TMEM117: variants seen among roughly 807,000 people sequenced by gnomAD.
The protein encoded by TMEM117 is transmembrane protein 117.
A neutral mutation model predicts 52.4 loss-of-function variants in TMEM117; 27 were observed. That is an observed-to-expected ratio of 0.51 (90% CI 0.38 to 0.71). The LOEUF is 0.71. Among genes scored for constraint, TMEM117 ranks in the 30% least tolerant of loss-of-function variants. The pLI is 0.00. For missense variants in TMEM117, 556 were observed against 630.5 expected (o/e 0.88, Z 1.26); for synonymous variants, 215 against 206.3 (o/e 1.04, Z -0.36).
chr12:44,089,591 C>G (rs1947628865), intron 3 of TMEM117, among the ~76,000 whole-genome samples: 1 of 152,142 alleles, frequency 6.6e-6, no homozygotes, highest in East Asian at 1.9e-4. Context: ...TGCACTTTTG[C>G]TCATGTGACT....
the TMEM117 span, chr12:43,806,290 C>G: frequency 6.9e-7 from 1 of 1,441,400 alleles, no homozygotes. Context: ...GTGCAGCCAG[C>G]GGCCCCGGCC....
intron 3 of TMEM117, among the ~76,000 whole-genome samples, chr12:43,962,640 G>C (rs929628343): frequency 2.0e-5 from 3 of 152,134 alleles, no homozygotes; most frequent in African/African-American, 4.8e-5. Flanking sequence ...GATTAGGAGG[G>C]GCCGGGCACG....
intron 3 of TMEM117, among the ~76,000 whole-genome samples, chr12:44,006,396 AAC>A (rs1489063964): frequency 6.6e-6 from 1 of 152,174 alleles, no homozygotes; most frequent in Non-Finnish European, 1.5e-5. Context: ...TTAGGAGAGA[AAC>A]AACTAGAATG....
intron 2 of TMEM117, among the ~76,000 whole-genome samples, chr12:43,881,631 T>C (rs536010272): frequency 2.7e-5 from 4 of 150,690 alleles, no homozygotes; most frequent in African/African-American, 9.8e-5. Context: ...CTCTACTAAA[T>C]CTACAAAATT....
intron 4 of TMEM117, among the ~76,000 whole-genome samples, chr12:44,157,362 CT>C (rs1482940268): frequency 6.9e-6 from 1 of 144,688 alleles, no homozygotes; most frequent in Non-Finnish European, 1.5e-5. Flanking sequence ...GGAATTATGA[CT>C]GCTAATATTG....
chr12:44,077,314 G>A lies in TMEM117; in HGVS notation c.411-66211G>A, dbSNP rs544288919. The stretch of plus-strand genomic sequence containing the variant: ...AACAGGTCAAGAACTCTGCTCTAAA[G>A]TTGTGCAGAATTTGAAAATCTTTAT... On this transcript the variant is annotated intron_variant, in intron 3 of 7. Transcript: ENST00000266534. Among the ~76,000 whole-genome samples the A allele has an allele frequency of 8.5e-5, 13 of 152,280 alleles. No homozygotes were observed. The East Asian group carries it at 2.5e-3, about 29-fold the overall frequency.
chr12:44,132,946 G>T (rs185570444), intron 3 of TMEM117, among the ~76,000 whole-genome samples: 33 of 152,268 alleles, frequency 2.2e-4, no homozygotes, highest in Admixed American at 1.2e-3. Context: ...TTTACTCGTG[G>T]TCCCAACTAC....
the TMEM117 span, among the ~76,000 whole-genome samples, chr12:43,799,200 C>T: frequency 2.0e-5 from 3 of 152,048 alleles, no homozygotes; most frequent in African/African-American, 7.2e-5. Flanking sequence ...TTATAAAATG[C>T]ATATAAAGTT....
downstream of TMEM117, among the ~76,000 whole-genome samples, chr12:44,393,153 G>C (rs568247774): frequency 5.3e-5 from 8 of 152,096 alleles, no homozygotes; most frequent in South Asian, 1.2e-3. Flanking sequence ...TTTTACTTTA[G>C]TGAATATAAA....
chr12:44,133,837 C>A (rs1354908891), intron 3 of TMEM117, among the ~76,000 whole-genome samples: 1 of 152,080 alleles, frequency 6.6e-6, no homozygotes, highest in Non-Finnish European at 1.5e-5. Flanking sequence ...TATTGGCAAA[C>A]TCAATTCCAG....
At chr12:44,338,470 A>G (rs1800600556) in intron 6 of TMEM117, among the ~76,000 whole-genome samples, 1 of 152,038 alleles carries the variant, frequency 6.6e-6, no homozygotes, top group Non-Finnish European at 1.5e-5. Flanking sequence ...TTACACACAC[A>G]TACGCACATA....
intron 3 of TMEM117, among the ~76,000 whole-genome samples, chr12:44,064,095 C>A (rs1374521738): frequency 6.6e-6 from 1 of 151,790 alleles, no homozygotes; most frequent in African/African-American, 2.4e-5. Flanking sequence ...CTACATCTGG[C>A]AGGATCAAAA....
intron 3 of TMEM117, among the ~76,000 whole-genome samples, chr12:44,029,842 C>T (rs561925975): frequency 1.4e-5 from 2 of 146,150 alleles, no homozygotes; most frequent in Non-Finnish European, 3.0e-5. Flanking sequence ...CAGTTAAAAA[C>T]TTTGCTGCAG....
intron 2 of TMEM117, among the ~76,000 whole-genome samples, chr12:43,905,348 T>C (rs565827089): frequency 2.0e-4 from 31 of 152,242 alleles, no homozygotes; most frequent in Admixed American, 2.0e-3. Context: ...TATGCACTCA[T>C]CTGCATTTTC....
intron 6 of TMEM117, among the ~76,000 whole-genome samples, chr12:44,367,124 T>C (rs1166980318): frequency 1.3e-5 from 2 of 152,182 alleles, no homozygotes; most frequent in African/African-American, 4.8e-5. Context: ...ACAAAATTAT[T>C]TGAAACTAAT....
intron 6 of TMEM117, among the ~76,000 whole-genome samples, chr12:44,362,746 G>A (rs1003254709): frequency 9.9e-5 from 15 of 151,912 alleles, no homozygotes; most frequent in Admixed American, 5.3e-4. Context: ...AACCAGAAGA[G>A]CAATCTGAAG....
At chr12:44,391,892 G>A (rs560063565), downstream of TMEM117, among the ~76,000 whole-genome samples, 1 of 152,148 alleles carries the variant, frequency 6.6e-6, no homozygotes, top group South Asian at 2.1e-4. Flanking sequence ...GACTGACTTG[G>A]CTCACTACTC....
intron 3 of TMEM117, among the ~76,000 whole-genome samples, chr12:44,136,747 A>C (rs1470511728): frequency 6.6e-6 from 1 of 152,150 alleles, no homozygotes; most frequent in Non-Finnish European, 1.5e-5. Context: ...CGTTCGAAGT[A>C]AGTAAATTTA....
intron 2 of TMEM117, among the ~76,000 whole-genome samples, chr12:43,858,341 C>T (rs542805524): frequency 3.3e-5 from 5 of 152,144 alleles, no homozygotes; most frequent in Non-Finnish European, 7.4e-5. Context: ...GCCTTAGGAC[C>T]GGATTGTGCT....
Sources: allele counts gnomAD v4.1 joint callset (sites outside exome capture counted in the v4.1 genomes callset), GRCh38; gene constraint gnomAD v4.1.1; transcripts MANE v1.5; gene names NCBI Gene and HGNC (gene_info 2026-07-23, HGNC 2026-07-21).